ASL: variants seen among roughly 807,000 people sequenced by gnomAD.
The protein encoded by ASL is argininosuccinate lyase.
A neutral mutation model predicts 69.1 loss-of-function variants in ASL; 51 were observed. That is an observed-to-expected ratio of 0.74 (90% CI 0.59 to 0.93). The LOEUF (loss-of-function observed/expected upper bound fraction) is 0.93. Ranked by LOEUF, ASL falls within the 40% of genes least tolerant of loss-of-function variation. The pLI, the probability that ASL is intolerant of heterozygous loss-of-function variation, is 0.00. For synonymous variants in ASL, 241 were observed against 247.6 expected (o/e 0.97, Z 0.25); for missense variants, 540 against 623.9 (o/e 0.87, Z 1.43).
chr7:66,081,270 A>T (rs1271408193), intron 2 of ASL, among the ~76,000 whole-genome samples: 2 of 152,176 alleles, frequency 1.3e-5, no homozygotes, highest in East Asian at 3.9e-4. Flanking sequence ...GAGGGGTGCC[A>T]TGTGGTGGGA....
In ASL at chr7:66,089,103, C is replaced by T. The variant is rs398123128; in HGVS notation, c.846C>T (p.Ser282=). 1.2e-6 allele frequency: 2 copies of T among 1,613,988 alleles called. No homozygotes were observed. The highest frequency in any genetic ancestry group is 2.2e-5 in the South Asian group (2 of 91,084). Residue 282 remains serine (S), a synonymous_variant, in exon 12 of 17, where the codon AGC becomes AGT. Coordinates refer to ENST00000304874, the MANE Select transcript of ASL (RefSeq NM_000048.4). ...QLSDAYSTGS[S]LMPQKKNPDS... ...CCTCTGTCCCCAGCACGGGAAGCAG[C>T]CTGATGCCCCAGAAGAAAAACCCCG...
chr7:66,077,483 C>T (rs1201822801), intron 2 of ASL, among the ~76,000 whole-genome samples: 7 of 152,000 alleles, frequency 4.6e-5, no homozygotes, highest in Non-Finnish European at 8.8e-5. Flanking sequence ...AATCCCAGCA[C>T]TTTGGGAGGT....
In ASL at chr7:66,083,176, T is replaced by C. The variant is rs1268519003; in HGVS notation, c.446+2T>C. On this transcript the variant is annotated splice_donor_variant, in intron 6 of 16. Coordinates refer to ENST00000304874, the MANE Select transcript of ASL (RefSeq NM_000048.4). LOFTEE classifies it high-confidence loss of function. ...GACCATGGTGGATCGGGCAGAGGCG[T>C]GAGTCCTACAGGGACACCCAGGGGG... 2 of 1,611,602 alleles carry C rather than the reference T, an allele frequency of 1.2e-6. No individual in the cohort carries two copies. Among genetic ancestry groups the C allele is most frequent in the African/African-American group, 2.7e-5 (2 of 74,622 alleles).
At chr7:66,086,881 G>A (rs1357760922) in intron 8 of ASL, 60 bp downstream of exon 8, 1 of 1,524,246 alleles carries the variant, frequency 6.6e-7, no homozygotes. Flanking sequence ...TAGCCTTAGG[G>A]ATTGACAGAG....
chr7:66,076,929 C>T (rs1458678756), intron 2 of ASL, among the ~76,000 whole-genome samples: 2 of 152,110 alleles, frequency 1.3e-5, no homozygotes, highest in Non-Finnish European at 2.9e-5. Context: ...TTTCTCAATG[C>T]CCTGCAAGCT....
intron 15 of ASL, among the ~76,000 whole-genome samples, chr7:66,092,339 C>T (rs999058754): frequency 6.6e-5 from 10 of 152,062 alleles, no homozygotes; most frequent in African/African-American, 2.4e-4. Flanking sequence ...CTCCTGTAAT[C>T]CCAGTTACTC....
intron 8 of ASL, 51 bp downstream of exon 8, chr7:66,086,872 A>G (rs1584028210): frequency 6.5e-7 from 1 of 1,533,492 alleles, no homozygotes. Flanking sequence ...GCTGCTGCAT[A>G]GCCTTAGGGA....
Position 66,075,834 on chromosome 7 carries a change from A to C in ASL, c.-66A>C. 3 of 512,890 alleles carry C rather than the reference A, an allele frequency of 5.8e-6. No homozygotes were observed. The highest frequency in any genetic ancestry group is 7.0e-6 in the Non-Finnish European group (2 of 285,334). 31.8% of individuals were successfully genotyped at this position (512,890 alleles called of 1,614,324 possible). On this transcript the variant is annotated 5_prime_UTR_variant, in exon 1 of 17. Coordinates refer to ENST00000304874, the MANE Select transcript of ASL (RefSeq NM_000048.4). ...AGCCCTGGCCAGTGGCGGGCGCGAC[A>C]CTATCCGTGCGGCCAGGCGGAGGTG...
In ASL at chr7:66,086,730, C is replaced by G; in HGVS notation, c.525-14C>G. The G allele has an allele frequency of 6.2e-7, 1 of 1,609,326 alleles. No individual in the cohort carries two copies. Among genetic ancestry groups the G allele is most frequent in the Non-Finnish European group, 8.5e-7 (1 of 1,178,448 alleles). On this transcript the variant is annotated splice_polypyrimidine_tract_variant and intron_variant, in intron 7 of 16. Coordinates refer to ENST00000304874, the MANE Select transcript of ASL (RefSeq NM_000048.4). ...CCCGGCTGCCCTGACCCTCCTGCCC[C>G]TGGCTTCCCACAGCCACGCCGTGGC...
At chr7:66,081,558 C>T (rs1049347625) in intron 2 of ASL, among the ~76,000 whole-genome samples, 6 of 150,252 alleles carry the variant, frequency 4.0e-5, no homozygotes, top group East Asian at 3.9e-4. Context: ...CCAGCCTGGC[C>T]GACAAAGTGA....
In ASL at chr7:66,093,259, G is replaced by A. The variant is rs954144626; in HGVS notation, c.*347G>A. On this transcript the variant is annotated 3_prime_UTR_variant, in exon 17 of 17. Transcript: ENST00000304874. ...TGTGCCCAGGAGTGGAGGCTGCAGT[G>A]AGCTATGATCACGCCACTGCATTCC... 11 of 406,626 alleles carry A rather than the reference G, an allele frequency of 2.7e-5. No individual in the cohort carries two copies. Among genetic ancestry groups the A allele is most frequent in the African/African-American group, 2.2e-4 (11 of 49,104 alleles). The allele number at this position is 406,626 out of a possible 1,614,324, so 25.2% of individuals were successfully genotyped here.
intron 8 of ASL, chr7:66,087,074 G>A (rs2115728075): frequency 1.6e-6 from 1 of 642,558 alleles, no homozygotes; most frequent in Non-Finnish European, 2.7e-6. Context: ...GTGGGAACAT[G>A]TGTCAGGAGA....
At chr7:66,091,918 A>C (rs1271925808) in intron 14 of ASL, 88 bp from the exon 15 acceptor site, 2 of 1,350,602 alleles carry the variant, frequency 1.5e-6, no homozygotes, top group Non-Finnish European at 2.1e-6. Flanking sequence ...CAAGGCAGGG[A>C]TGTCCTGGCA....
intron 2 of ASL, among the ~76,000 whole-genome samples, chr7:66,076,493 T>C (rs1786350811): frequency 6.6e-6 from 1 of 152,166 alleles, no homozygotes; most frequent in Non-Finnish European, 1.5e-5. Context: ...CTAGAGCAAT[T>C]GTCCCTGTTT....
chr7:66,092,400 G>A (rs375908232), intron 15 of ASL, among the ~76,000 whole-genome samples, 157 bp from the exon 16 acceptor site: 328 of 151,536 alleles, frequency 2.2e-3, no homozygotes, highest in African/African-American at 7.2e-3. Flanking sequence ...AGTTTGCGGT[G>A]AGGTGAGATC....
Position 66,089,711 on chromosome 7 carries a change from C to G in ASL, c.1062+16C>G, listed in dbSNP as rs192554187. 8.7e-3 allele frequency: 14,104 copies of G among 1,612,412 alleles called. 78 individuals carry two copies. Among genetic ancestry groups the G allele is most frequent in the Non-Finnish European group, 0.011 (12,419 of 1,179,766 alleles). On this transcript the variant is annotated intron_variant, in intron 14 of 16. Coordinates refer to ENST00000304874, the MANE Select transcript of ASL (RefSeq NM_000048.4). The stretch of plus-strand genomic sequence containing the variant: ...TACGCTGCAGGCAAGACATCACCCC[C>G]CTGCTTCTCCTCCCCTAGGTCCCAG...
intron 15 of ASL, 111 bp from the exon 16 acceptor site, chr7:66,092,446 A>G: frequency 9.3e-7 from 1 of 1,075,486 alleles, no homozygotes. Flanking sequence ...ACAGAGCGAG[A>G]CTTTGTGTCA....
Position 66,087,427 on chromosome 7 carries a change from C to G in ASL, c.655+41C>G, listed in dbSNP as rs903567779. 5.0e-6 allele frequency: 8 copies of G among 1,599,540 alleles called. No individual in the cohort carries two copies. The African/African-American group carries it at 9.3e-5, about 19-fold the overall frequency. On this transcript the variant is annotated intron_variant, in intron 9 of 16. Transcript: ENST00000304874. The stretch of plus-strand genomic sequence containing the variant: ...CCTCCTCCCCAGGGAGAATCACCCT[C>G]AGCACCCGCCAAGACCTGCAGACAC...
chr7:66,089,584 C>T (rs765260769), intron 13 of ASL, 28 bp from the exon 14 acceptor site: 3 of 1,611,602 alleles, frequency 1.9e-6, no homozygotes, highest in Non-Finnish European at 1.7e-6. Context: ...GGCTGCTAGG[C>T]CCTCACCTCC....
Sources: gnomAD v4.1 joint callset for allele counts (sites outside exome capture counted in the v4.1 genomes callset) on GRCh38, gnomAD v4.1.1 for gene constraint, MANE v1.5 for transcripts, NCBI Gene and HGNC (gene_info 2026-07-23, HGNC 2026-07-21) for gene names.